The following SNTG2 variants were observed in gnomAD, a reference collection of about 807,000 sequenced individuals.
SNTG2 encodes syntrophin gamma 2.
SNTG2 carries 74 observed loss-of-function variants against 70.9 expected under a neutral mutation model. The ratio of observed to expected loss-of-function variants is 1.04; its 90% CI spans 0.86 to 1.27. SNTG2 has a LOEUF of 1.27. Among genes scored for constraint, SNTG2 ranks in the 50% most tolerant of loss-of-function variants. The probability of loss-of-function intolerance (pLI) is 0.00; values close to 1 mark genes in which losing one functional copy is unlikely to be tolerated. For missense variants in SNTG2, 717 were observed against 690.7 expected (o/e 1.04, Z -0.43); for synonymous variants, 278 against 273.8 (o/e 1.02, Z -0.15).
At chr2:1,364,577 A>T (rs1462337483) in intron 16 of SNTG2, among the ~76,000 whole-genome samples, 6 of 134,378 alleles carry the variant, frequency 4.5e-5, no homozygotes, top group Admixed American at 1.6e-4. Context: ...TAACACATGA[A>T]ACCCTGTCTC....
intron 1 of SNTG2, among the ~76,000 whole-genome samples, chr2:1,071,036 G>T (rs115086346): frequency 2.6e-5 from 4 of 152,172 alleles, no homozygotes; most frequent in Admixed American, 6.5e-5. Context: ...CACACTCGAC[G>T]CAGGCAGTGG....
chr2:1,190,410 A>G (rs28664787), intron 8 of SNTG2, among the ~76,000 whole-genome samples: 46,976 of 147,270 alleles, frequency 0.32, 8,031 homozygotes, highest in East Asian at 0.66. Context: ...CATTTGGATC[A>G]TTTTGTATAA....
chr2:1,149,481 G>A (rs866371418), intron 6 of SNTG2, among the ~76,000 whole-genome samples: 7 of 152,158 alleles, frequency 4.6e-5, no homozygotes, highest in African/African-American at 7.2e-5. Flanking sequence ...GCTTATTTTC[G>A]TCCATGAGCA....
chr2:1,267,624 CAT>C, intron 14 of SNTG2, 53 bp downstream of exon 14: 1 of 1,486,472 alleles, frequency 6.7e-7, no homozygotes, highest in South Asian at 1.1e-5. Context: ...GTGTCTGAGA[CAT>C]AGCATTGGGG....
At chr2:956,292 G>GCCTGCC (rs1660156623) in intron 1 of SNTG2, among the ~76,000 whole-genome samples, 1 of 139,138 alleles carries the variant, frequency 7.2e-6, no homozygotes, top group Admixed American at 7.4e-5. Context: ...CTCCCCCTGC[G>GCCTGCC]CCTGCCCCTG....
chr2:1,019,516 G>A (rs1461889457), intron 1 of SNTG2, among the ~76,000 whole-genome samples: 1 of 152,126 alleles, frequency 6.6e-6, no homozygotes, highest in Non-Finnish European at 1.5e-5. Flanking sequence ...GGAAGAAATG[G>A]CAAGGAGGGC....
intron 14 of SNTG2, among the ~76,000 whole-genome samples, chr2:1,307,032 G>C (rs918587629): frequency 1.3e-5 from 2 of 150,932 alleles, no homozygotes; most frequent in African/African-American, 2.4e-5. Context: ...GTCATGTGCT[G>C]TGTGTGTGTG....
intron 8 of SNTG2, among the ~76,000 whole-genome samples, chr2:1,184,166 G>A (rs1672107214): frequency 6.6e-6 from 1 of 152,078 alleles, no homozygotes; most frequent in Non-Finnish European, 1.5e-5. Flanking sequence ...GGTCAGAATT[G>A]GAGAATTGTA....
intron 9 of SNTG2, among the ~76,000 whole-genome samples, chr2:1,217,552 C>T (rs761323725): frequency 3.3e-5 from 5 of 152,160 alleles, no homozygotes; most frequent in Non-Finnish European, 5.9e-5. Context: ...GAAAATAACC[C>T]CTGTCCTGTG....
rs541577387 is a variant in SNTG2 at position 1,093,627 on chromosome 2, T to G, written c.211-4569T>G. Among the ~76,000 whole-genome samples the G allele has an allele frequency of 6.1e-4, 93 of 152,382 alleles. 1 individual carries two copies. Among genetic ancestry groups the G allele is most frequent in the African/African-American group, 2.1e-3 (89 of 41,598 alleles). On this transcript the variant is annotated intron_variant, in intron 2 of 16. Transcript: ENST00000308624. ...ATTGGCTGAGCCTTTTCTCTCAACT[T>G]TGACACACTGAAGTCCTGGTGTTTG... is the stretch of plus-strand genomic sequence containing the variant.
intron 16 of SNTG2, among the ~76,000 whole-genome samples, chr2:1,320,669 T>G (rs761740485): frequency 2.6e-5 from 4 of 152,112 alleles, no homozygotes; most frequent in African/African-American, 7.2e-5. Flanking sequence ...AATAAAATAT[T>G]TTTCTTCCTC....
At chr2:1,110,426 T>C (rs1217091090) in intron 4 of SNTG2, among the ~76,000 whole-genome samples, 1 of 152,230 alleles carries the variant, frequency 6.6e-6, no homozygotes, top group Non-Finnish European at 1.5e-5. Flanking sequence ...TTAAATTTAT[T>C]TCACCTGTTC....
chr2:1,202,598 C>G (rs1025101281), intron 8 of SNTG2, among the ~76,000 whole-genome samples: 6 of 151,862 alleles, frequency 4.0e-5, no homozygotes, highest in African/African-American at 1.5e-4. Flanking sequence ...TATAAATGGA[C>G]TAAACATTTT....
chr2:1,109,954 A>AAGT (rs1469895841), intron 4 of SNTG2, among the ~76,000 whole-genome samples: 2 of 152,162 alleles, frequency 1.3e-5, no homozygotes, highest in African/African-American at 2.4e-5. Context: ...CAGCGCCAGG[A>AAGT]AGTATCCTGA....
intron 1 of SNTG2, among the ~76,000 whole-genome samples, chr2:1,021,736 T>C (rs1558316679): frequency 6.6e-6 from 1 of 151,858 alleles, no homozygotes; most frequent in African/African-American, 2.4e-5. Flanking sequence ...CCCAGCCTCC[T>C]GAGTAGCTGG....
intron 12 of SNTG2, among the ~76,000 whole-genome samples, chr2:1,255,886 AT>A (rs371892580): frequency 0.011 from 469 of 42,724 alleles, 14 homozygotes; most frequent in African/African-American, 0.059. Flanking sequence ...ATATATATAA[AT>A]ATATATAAAT....
intron 1 of SNTG2, among the ~76,000 whole-genome samples, chr2:1,071,578 C>G (rs985592258): frequency 3.3e-5 from 5 of 150,916 alleles, no homozygotes; most frequent in African/African-American, 1.2e-4. Context: ...GTGCAGCGCA[C>G]CAGCACGGCA....
In SNTG2 at chr2:1,138,638, G is replaced by A. The variant is rs1668555421; in HGVS notation, c.411+829G>A. Among the ~76,000 whole-genome samples the A allele has an allele frequency of 2.0e-5, 3 of 152,282 alleles. No homozygotes were observed. In the South Asian group the frequency reaches 6.2e-4, roughly 32 times the overall value. On this transcript the variant is annotated intron_variant, in intron 6 of 16. Transcript: ENST00000308624. ...TGGGGGACACAGGGTCAAGGGGAGA[G>A]GCAGTGGAGCCGAGTCCAGGACACA...
At chr2:1,280,241 G>C (rs1679457992) in intron 14 of SNTG2, among the ~76,000 whole-genome samples, 1 of 152,138 alleles carries the variant, frequency 6.6e-6, no homozygotes, top group Non-Finnish European at 1.5e-5. Context: ...CATTAGATTA[G>C]AGTAGATTTA....
Sources: gnomAD v4.1 joint callset for allele counts (sites outside exome capture counted in the v4.1 genomes callset) on GRCh38, gnomAD v4.1.1 for gene constraint, MANE v1.5 for transcripts, NCBI Gene and HGNC (gene_info 2026-07-23, HGNC 2026-07-21) for gene names.